NDST4: variants seen among roughly 807,000 people sequenced by gnomAD.
The protein encoded by NDST4 is N-heparan sulfate sulfotransferase 4.
NDST4 carries 63 observed loss-of-function variants against 100.8 expected under a neutral mutation model. That is an observed-to-expected ratio of 0.62 (90% CI 0.51 to 0.77). The LOEUF (loss-of-function observed/expected upper bound fraction) is 0.77, where lower values mean the gene tolerates loss of function less well. Ranked by LOEUF, NDST4 falls within the 30% of genes least tolerant of loss-of-function variation. The probability of loss-of-function intolerance (pLI) is 0.00; values close to 1 mark genes in which losing one functional copy is unlikely to be tolerated. For synonymous variants in NDST4, 377 were observed against 361.8 expected (o/e 1.04, Z -0.48); for missense variants, 943 against 1,018.4 (o/e 0.93, Z 1.01).
At chr4:114,945,262 C>T (rs1170628937) in intron 4 of NDST4, among the ~76,000 whole-genome samples, 1 of 141,918 alleles carries the variant, frequency 7.0e-6, no homozygotes, top group Non-Finnish European at 1.5e-5. Context: ...GGATTTGGCT[C>T]ATAAACATAC....
intron 4 of NDST4, among the ~76,000 whole-genome samples, chr4:114,960,929 C>T (rs936799549): frequency 3.9e-5 from 6 of 151,902 alleles, no homozygotes; most frequent in Non-Finnish European, 7.4e-5. Flanking sequence ...AAAGTATAAA[C>T]TATAACAATG....
At chr4:114,978,700 C>T (rs1318249097) in intron 2 of NDST4, among the ~76,000 whole-genome samples, 1 of 151,422 alleles carries the variant, frequency 6.6e-6, no homozygotes, top group African/African-American at 2.4e-5. Context: ...GTTCCCTTTT[C>T]TGGCTTTTTT....
intron 4 of NDST4, among the ~76,000 whole-genome samples, chr4:114,969,958 G>T (rs1021505226): frequency 3.3e-5 from 5 of 152,020 alleles, no homozygotes; most frequent in Non-Finnish European, 7.4e-5. Flanking sequence ...CTTTTCCTCT[G>T]CAACCTTGCC....
At chr4:115,042,201 T>C (rs1728365356) in intron 2 of NDST4, among the ~76,000 whole-genome samples, 1 of 152,160 alleles carries the variant, frequency 6.6e-6, no homozygotes, top group Non-Finnish European at 1.5e-5. Context: ...GCTGCCCTGC[T>C]TCATCTTGTC....
chr4:114,836,401 T>A (rs974792817), intron 11 of NDST4, among the ~76,000 whole-genome samples: 3 of 152,114 alleles, frequency 2.0e-5, no homozygotes, highest in Admixed American at 2.0e-4. Flanking sequence ...GAAATTCTTT[T>A]TTCTGTTTGA....
chr4:114,901,662 G>A (rs897785601), intron 6 of NDST4, among the ~76,000 whole-genome samples: 1 of 151,590 alleles, frequency 6.6e-6, no homozygotes, highest in Non-Finnish European at 1.5e-5. Context: ...AATAATATGT[G>A]CCATATTAGT....
At chr4:114,923,962 A>ATT (rs1467410973) in intron 6 of NDST4, among the ~76,000 whole-genome samples, 1 of 151,814 alleles carries the variant, frequency 6.6e-6, no homozygotes, top group Non-Finnish European at 1.5e-5. Context: ...AATCTTACGG[A>ATT]TTTTTTCATG....
In NDST4 at chr4:115,028,956, G is replaced by A. The variant is rs532820156; in HGVS notation, c.978+47103C>T. ...ATAATACAGTAGCTAAGAGCCTAAA[G>A]GCAGGACTCTATTACTGCTCCAAAA... On this transcript the variant is annotated intron_variant, in intron 2 of 13. Coordinates refer to ENST00000264363, the MANE Select transcript of NDST4 (RefSeq NM_022569.3). 2.6e-5 allele frequency among the ~76,000 whole-genome samples: 4 copies of A among 152,210 alleles called. No individual in the cohort carries two copies. The South Asian group carries it at 8.3e-4, about 32-fold the overall frequency.
intron 9 of NDST4, among the ~76,000 whole-genome samples, chr4:114,846,549 C>T (rs548430777): frequency 6.6e-6 from 1 of 152,226 alleles, no homozygotes; most frequent in East Asian, 1.9e-4. Flanking sequence ...TATAGTCTAT[C>T]TAGAGTAATT....
intron 2 of NDST4, among the ~76,000 whole-genome samples, chr4:114,989,366 ATTTAAC>A (rs990047217): frequency 1.2e-4 from 18 of 152,160 alleles, no homozygotes; most frequent in Middle Eastern, 3.2e-3. Flanking sequence ...TTTTGGTGTA[ATTTAAC>A]TTTAAGTGAA....
intron 7 of NDST4, among the ~76,000 whole-genome samples, chr4:114,864,587 A>C (rs570097201): frequency 6.6e-6 from 1 of 152,314 alleles, no homozygotes; most frequent in East Asian, 1.9e-4. Flanking sequence ...CAGTGCTCCA[A>C]TCAACAAATC....
intron 2 of NDST4, among the ~76,000 whole-genome samples, chr4:114,990,040 T>G (rs1420681783): frequency 2.0e-5 from 3 of 152,242 alleles, no homozygotes; most frequent in Admixed American, 2.0e-4. Flanking sequence ...TTTTTTTTTA[T>G]GTCTGCGTTT....
chr4:115,009,723 G>T (rs1238232398), intron 2 of NDST4, among the ~76,000 whole-genome samples: 1 of 111,770 alleles, frequency 8.9e-6, no homozygotes, highest in Non-Finnish European at 1.8e-5. Flanking sequence ...CACAGCAAAA[G>T]AAACTACCAT....
intron 6 of NDST4, among the ~76,000 whole-genome samples, chr4:114,892,598 A>G (rs1459965379): frequency 6.6e-6 from 1 of 152,050 alleles, no homozygotes; most frequent in Non-Finnish European, 1.5e-5. Flanking sequence ...TGCCTCTCAC[A>G]ACTAACTCAT....
Position 114,941,488 on chromosome 4 carries a change from G to A in NDST4, c.1222-3985C>T, listed in dbSNP as rs1018203590. Among the ~76,000 whole-genome samples, 51 of 152,092 alleles carry A rather than the reference G, an allele frequency of 3.4e-4. 2 individuals carry two copies. Among genetic ancestry groups the A allele is most frequent in the Admixed American group, 3.1e-3 (47 of 15,266 alleles). ...TCTACATTTCTCAAACTCCTCTGCA[G>A]CTATCATTTTTTTTATGAAAATGAG... On this transcript the variant is annotated intron_variant, in intron 4 of 13. Coordinates refer to ENST00000264363, the MANE Select transcript of NDST4 (RefSeq NM_022569.3).
chr4:114,978,703 G>GC (rs556302253), intron 2 of NDST4, among the ~76,000 whole-genome samples: 160 of 151,046 alleles, frequency 1.1e-3, no homozygotes, highest in Non-Finnish European at 2.0e-3. Flanking sequence ...CCCTTTTCTG[G>GC]CTTTTTTTTT....
intron 4 of NDST4, among the ~76,000 whole-genome samples, chr4:114,944,980 C>T (rs1725828727): frequency 6.6e-6 from 1 of 151,920 alleles, no homozygotes; most frequent in Non-Finnish European, 1.5e-5. Context: ...GAGGCCGAGG[C>T]AGGCGGATCA....
Position 115,024,640 on chromosome 4 carries a change from C to T in NDST4, c.979-47366G>A, listed in dbSNP as rs923368186. Among the ~76,000 whole-genome samples, 57 of 152,148 alleles carry T rather than the reference C, an allele frequency of 3.7e-4. No homozygotes were observed. In the Middle Eastern group the frequency reaches 0.014, roughly 36 times the overall value. ...GAATGAATCATGCCTTGAGTCTCAC[C>T]CATTTCTGATTCAGATGAGACTCTA... is the stretch of plus-strand genomic sequence containing the variant. On this transcript the variant is annotated intron_variant, in intron 2 of 13. Coordinates refer to ENST00000264363, the MANE Select transcript of NDST4 (RefSeq NM_022569.3).
At chr4:114,944,898 C>T (rs1279826389) in intron 4 of NDST4, among the ~76,000 whole-genome samples, 14 of 152,058 alleles carry the variant, frequency 9.2e-5, no homozygotes, top group Admixed American at 9.2e-4. Flanking sequence ...GGAGACGCGC[C>T]ACACCACAGA....
Sources: allele counts gnomAD v4.1 joint callset (sites outside exome capture counted in the v4.1 genomes callset), GRCh38; gene constraint gnomAD v4.1.1; transcripts MANE v1.5; gene names NCBI Gene and HGNC (gene_info 2026-07-23, HGNC 2026-07-21).